Variants in ARHGAP42 observed in about 807,000 individuals in gnomAD.
ARHGAP42 encodes rho GTPase-activating protein 42.
A neutral mutation model predicts 125.0 loss-of-function variants in ARHGAP42; 63 were observed. The observed-to-expected ratio is 0.50, with a 90% CI of 0.41 to 0.62. The LOEUF is 0.62. Among genes scored for constraint, ARHGAP42 ranks in the 20% least tolerant of loss-of-function variants. The pLI, the probability that ARHGAP42 is intolerant of heterozygous loss-of-function variation, is 0.00. For missense variants in ARHGAP42, 766 were observed against 1,024.2 expected, an observed-to-expected ratio of 0.75 and a Z score of 3.44; for synonymous variants, 339 against 351.0, an observed-to-expected ratio of 0.97 and a Z score of 0.38.
At chr11:100,967,124 A>G (rs925484258) in intron 17 of ARHGAP42, among the ~76,000 whole-genome samples, 6 of 152,214 alleles carry the variant, frequency 3.9e-5, no homozygotes, top group Non-Finnish European at 8.8e-5. Context: ...GCAAACAGCT[A>G]ATAACACTCT....
At chr11:100,877,717 T>C (rs1011538336) in intron 4 of ARHGAP42, among the ~76,000 whole-genome samples, 11 of 152,018 alleles carry the variant, frequency 7.2e-5, no homozygotes, top group Non-Finnish European at 5.9e-5. Flanking sequence ...AGTTAAGAGG[T>C]GTTACCAGGG....
chr11:100,836,514 A>G (rs1472620370), intron 3 of ARHGAP42, among the ~76,000 whole-genome samples: 3 of 152,084 alleles, frequency 2.0e-5, no homozygotes, highest in African/African-American at 7.2e-5. Context: ...GTTGGAAAAT[A>G]CCAAGTTTGA....
chr11:100,764,036 T>C (rs1862773507), intron 1 of ARHGAP42, among the ~76,000 whole-genome samples: 1 of 150,736 alleles, frequency 6.6e-6, no homozygotes, highest in African/African-American at 2.4e-5. Flanking sequence ...TTTTTTTTTT[T>C]TTTTTGAGAC....
intron 4 of ARHGAP42, among the ~76,000 whole-genome samples, chr11:100,910,264 G>A (rs924874999): frequency 1.3e-5 from 2 of 152,064 alleles, no homozygotes; most frequent in East Asian, 1.9e-4. Context: ...AGTAAGTAAC[G>A]GCAGCAACTA....
At chr11:100,748,092 A>G (rs1591147421) in intron 1 of ARHGAP42, among the ~76,000 whole-genome samples, 1 of 152,118 alleles carries the variant, frequency 6.6e-6, no homozygotes, top group Non-Finnish European at 1.5e-5. Flanking sequence ...AGGATAATAC[A>G]TGTTACACTG....
rs1387417397 is a variant in ARHGAP42 at position 100,976,929 on chromosome 11, T to G, written c.2351T>G (p.Leu784Arg). The G allele has an allele frequency of 6.4e-7, 1 of 1,551,494 alleles. No homozygotes were observed. The highest frequency in any genetic ancestry group is 2.4e-5 in the East Asian group (1 of 40,922). ...LPPKMCRRLR[L>R]DTASSNGYQR... The stretch of plus-strand genomic sequence containing the variant: ...CCGAAAATGTGCAGGAGATTAAGAC[T>G]AGACACTGCCTCAAGCAATGGCTAT... The change falls in exon 21 of 24, where the codon CTA becomes CGA. Residue 784 changes from leucine to arginine, a missense_variant. Physicochemically the swap from Leu to Arg is moderately radical, Grantham distance 102. Coordinates refer to ENST00000298815, the MANE Select transcript of ARHGAP42 (RefSeq NM_152432.4).
At chr11:100,935,080 A>G (rs1227348555) in intron 7 of ARHGAP42, among the ~76,000 whole-genome samples, 1 of 152,020 alleles carries the variant, frequency 6.6e-6, no homozygotes, top group Non-Finnish European at 1.5e-5. Context: ...TTAGACCCTT[A>G]TGTTTGAAAG....
chr11:100,764,918 T>A (rs865917841), intron 1 of ARHGAP42, among the ~76,000 whole-genome samples: 5 of 152,014 alleles, frequency 3.3e-5, no homozygotes, highest in Non-Finnish European at 7.4e-5. Context: ...AATCCCAACA[T>A]AATGGGCAGT....
At chr11:100,688,739 A>G (rs1018694335) in intron 1 of ARHGAP42, among the ~76,000 whole-genome samples, 8 of 152,080 alleles carry the variant, frequency 5.3e-5, no homozygotes, top group African/African-American at 1.9e-4. Context: ...TTATTTATTT[A>G]TGTATTTATT....
At chr11:100,894,929 G>A (rs771523947) in intron 4 of ARHGAP42, among the ~76,000 whole-genome samples, 1 of 152,142 alleles carries the variant, frequency 6.6e-6, no homozygotes, top group Non-Finnish European at 1.5e-5. Context: ...ACACAGGGCC[G>A]CAACACCTGT....
At chr11:100,968,891 T>C (rs1858166446) in intron 17 of ARHGAP42, among the ~76,000 whole-genome samples, 1 of 151,614 alleles carries the variant, frequency 6.6e-6, no homozygotes, top group Admixed American at 6.6e-5. Flanking sequence ...AAATATATAT[T>C]TCTACTCTTT....
chr11:100,935,672 A>ACG lies in ARHGAP42; in HGVS notation c.703-530_703-529insGC. Among the ~76,000 whole-genome samples the ACG allele has an allele frequency of 1.7e-5, 2 of 117,944 alleles. 1 individual carries two copies. 77.4% of individuals were successfully genotyped at this position (117,944 alleles called of 152,430 possible). On this transcript the variant is annotated intron_variant, in intron 7 of 23. Transcript: ENST00000298815. The stretch of plus-strand genomic sequence containing the variant: ...GGAAGAAGGTCACACACACACACAC[A>ACG]CACACAGAGAGAGAGAGAGAGAGAT...
chr11:100,829,989 G>A (rs1398240930), intron 3 of ARHGAP42, among the ~76,000 whole-genome samples: 1 of 152,166 alleles, frequency 6.6e-6, no homozygotes, highest in Non-Finnish European at 1.5e-5. Flanking sequence ...ATTCTCCAAA[G>A]GTGTGTTTGT....
chr11:100,773,836 A>G (rs1205901865), intron 2 of ARHGAP42, among the ~76,000 whole-genome samples: 4 of 152,302 alleles, frequency 2.6e-5, no homozygotes, highest in African/African-American at 9.6e-5. Context: ...TTTTAATGCT[A>G]TGTGGGCTTT....
intron 12 of ARHGAP42, among the ~76,000 whole-genome samples, chr11:100,956,085 T>C (rs975498996): frequency 1.3e-5 from 2 of 152,160 alleles, no homozygotes; most frequent in Non-Finnish European, 2.9e-5. Context: ...CTGTCTATAG[T>C]TGATGGTTGT....
intron 11 of ARHGAP42, among the ~76,000 whole-genome samples, chr11:100,948,940 T>C (rs533110062): frequency 6.6e-6 from 1 of 152,222 alleles, no homozygotes; most frequent in Non-Finnish European, 1.5e-5. Context: ...AGACCATTTT[T>C]AAAAAGTATA....
intron 4 of ARHGAP42, among the ~76,000 whole-genome samples, chr11:100,883,458 T>C (rs777013049): frequency 6.6e-6 from 1 of 152,162 alleles, no homozygotes; most frequent in Non-Finnish European, 1.5e-5. Context: ...TTCTCCTGCC[T>C]CAGCCTCCCA....
rs78443387 is a variant in ARHGAP42 at position 100,785,111 on chromosome 11, A to C, written c.251-9994A>C. Among the ~76,000 whole-genome samples, 1,427 of 152,186 alleles carry C rather than the reference A, an allele frequency of 9.4e-3. 26 individuals carry two copies. Among genetic ancestry groups the C allele is most frequent in the African/African-American group, 0.032 (1,310 of 41,504 alleles). ...GAAAACAGCATTGTGAAGAGGGAGG[A>C]GTGATGATGAAAATAACAGAGAGGG... On this transcript the variant is annotated intron_variant, in intron 2 of 23. Transcript: ENST00000298815.
intron 4 of ARHGAP42, among the ~76,000 whole-genome samples, chr11:100,907,413 C>T (rs1866769460): frequency 6.6e-6 from 1 of 152,090 alleles, no homozygotes; most frequent in Non-Finnish European, 1.5e-5. Context: ...GTGGTGGTGG[C>T]AATGATGTAA....
Sources: gnomAD v4.1 joint callset for allele counts (sites outside exome capture counted in the v4.1 genomes callset) on GRCh38, gnomAD v4.1.1 for gene constraint, MANE v1.5 for transcripts, NCBI Gene and HGNC (gene_info 2026-07-23, HGNC 2026-07-21) for gene names.